ZFYVE9: variants seen among roughly 807,000 people sequenced by gnomAD.
The protein encoded by ZFYVE9 is zinc finger FYVE-type containing 9, also known as zinc finger FYVE domain-containing protein 9.
ZFYVE9 carries 43 observed loss-of-function variants against 126.7 expected under a neutral mutation model. That is an observed-to-expected ratio of 0.34 (90% CI 0.27 to 0.44). The LOEUF (loss-of-function observed/expected upper bound fraction) is 0.44, where lower values mean the gene tolerates loss of function less well. Among genes scored for constraint, ZFYVE9 ranks in the 20% least tolerant of loss-of-function variants. ZFYVE9 has a pLI of 1.00. For missense variants in ZFYVE9, 1,476 were observed against 1,697.0 expected (o/e 0.87, Z 2.29); for synonymous variants, 521 against 597.4 (o/e 0.87, Z 1.87).
chr1:52,238,633 A>G lies in ZFYVE9; in HGVS notation c.1216A>G (p.Lys406Glu). Residue 406 changes from lysine to glutamate, a missense_variant, in exon 4 of 19, where the codon AAA (lysine) becomes GAA (glutamate). By Grantham distance (56) the Lys-to-Glu change is moderately conservative (BLOSUM62 1). Around this residue, in one of 2 missense-constraint regions of ZFYVE9, gnomAD observed 807 missense variants for 794.6 expected, o/e 1.02. Coordinates refer to ENST00000287727, the MANE Select transcript of ZFYVE9 (RefSeq NM_004799.4). ...GGACATGACTAATTGGAAGTTGACTAAACTAAATGAGATGAATGATAGCCA... is the reference window on the plus strand; with the variant it reads ...GGACATGACTAATTGGAAGTTGACTGAACTAAATGAGATGAATGATAGCCA... ...SQDMTNWKLT[K>E]LNEMNDSQVN... is the part of the protein sequence containing the mutation. The G allele has an allele frequency of 1.2e-6, 2 of 1,614,084 alleles. No homozygotes were observed. Among genetic ancestry groups the G allele is most frequent in the Non-Finnish European group, 8.5e-7 (1 of 1,179,970 alleles).
At chr1:52,304,976 T>C (rs1646068944) in intron 13 of ZFYVE9, among the ~76,000 whole-genome samples, 1 of 152,228 alleles carries the variant, frequency 6.6e-6, no homozygotes, top group South Asian at 2.1e-4. Flanking sequence ...GATCTTGCTC[T>C]GTTGCCCAGG....
At chr1:52,324,287 A>C (rs1646270433) in intron 13 of ZFYVE9, among the ~76,000 whole-genome samples, 1 of 148,406 alleles carries the variant, frequency 6.7e-6, no homozygotes, top group South Asian at 2.1e-4. Flanking sequence ...ACAAAAACAA[A>C]AACAAAACAA....
Position 52,181,884 on chromosome 1 carries a change from C to G in ZFYVE9, c.-142-34485C>G, listed in dbSNP as rs61782512. 3.4e-3 allele frequency among the ~76,000 whole-genome samples: 515 copies of G among 151,834 alleles called. 1 individual carries two copies. Among genetic ancestry groups the G allele is most frequent in the African/African-American group, 0.012 (488 of 41,408 alleles). ...CTGAGAAGCGAGGAGCCCCTCCGCC[C>G]GGCAGCCACCCCGTCTGGGAAGTAA... On this transcript the variant is annotated intron_variant, in intron 1 of 18. Transcript: ENST00000287727.
In ZFYVE9 at chr1:52,172,080, C is replaced by G. The variant is rs564329224; in HGVS notation, c.-143+29677C>G. ...TTAGACATGAAGTCCTTGCCCATGC[C>G]TATGTCCTGAATGGTAATGCCTAGG... is the stretch of plus-strand genomic sequence containing the variant. On this transcript the variant is annotated intron_variant, in intron 1 of 18. Coordinates refer to ENST00000287727, the MANE Select transcript of ZFYVE9 (RefSeq NM_004799.4). 1.1e-3 allele frequency among the ~76,000 whole-genome samples: 161 copies of G among 152,202 alleles called. 7 individuals carry two copies. The East Asian group carries it at 0.027, about 25-fold the overall frequency.
At chr1:52,152,517 A>G (rs930583621) in intron 1 of ZFYVE9, among the ~76,000 whole-genome samples, 6 of 152,188 alleles carry the variant, frequency 3.9e-5, no homozygotes, top group African/African-American at 1.4e-4. Flanking sequence ...TATTCAGCCA[A>G]AAATCTAGCT....
chr1:52,237,747 T>C lies in ZFYVE9; in HGVS notation c.330T>C (p.Val110=), dbSNP rs1362610791. 1 of 1,614,148 alleles carries C rather than the reference T, an allele frequency of 6.2e-7. No individual in the cohort carries two copies. Among genetic ancestry groups the C allele is most frequent in the South Asian group, 1.1e-5 (1 of 91,078 alleles). ...CAATGTGGATTGATGAAAATGCTGT[T>C]GCAGAAGACCAGTTAATTAAGAGAA... ...IATMWIDENA[V]AEDQLIKRNY... is the part of the protein sequence containing the mutation. Residue 110 remains valine (V), a synonymous_variant, in exon 4 of 19, where the codon GTT becomes GTC. Coordinates refer to ENST00000287727, the MANE Select transcript of ZFYVE9 (RefSeq NM_004799.4).
intron 4 of ZFYVE9, among the ~76,000 whole-genome samples, chr1:52,260,894 G>A (rs954301951): frequency 2.0e-5 from 3 of 152,136 alleles, no homozygotes; most frequent in Non-Finnish European, 4.4e-5. Context: ...GCCTTTGCTT[G>A]GTCTGGCCTC....
chr1:52,315,318 C>G (rs1431354556), intron 13 of ZFYVE9, among the ~76,000 whole-genome samples: 1 of 152,064 alleles, frequency 6.6e-6, no homozygotes, highest in Non-Finnish European at 1.5e-5. Context: ...TTCCTAGCTA[C>G]TCTCTAGGCT....
intron 3 of ZFYVE9, among the ~76,000 whole-genome samples, chr1:52,234,713 G>A (rs1480759288): frequency 2.6e-5 from 4 of 152,126 alleles, no homozygotes; most frequent in Non-Finnish European, 5.9e-5. Flanking sequence ...TATATTCCTA[G>A]GCTCATTCCT....
chr1:52,299,992 C>G (rs1406117553), intron 12 of ZFYVE9, among the ~76,000 whole-genome samples: 1 of 152,192 alleles, frequency 6.6e-6, no homozygotes, highest in Non-Finnish European at 1.5e-5. Flanking sequence ...CATGGGTCCC[C>G]AGCTTACCCT....
chr1:52,151,786 G>A (rs913403646), intron 1 of ZFYVE9, among the ~76,000 whole-genome samples: 5 of 152,002 alleles, frequency 3.3e-5, no homozygotes, highest in Non-Finnish European at 7.4e-5. Context: ...CAAAGTGCTG[G>A]GATTAGAGAC....
At chr1:52,202,264 G>GGTATAGT (rs1345799684) in intron 1 of ZFYVE9, among the ~76,000 whole-genome samples, 2 of 151,508 alleles carry the variant, frequency 1.3e-5, no homozygotes, top group African/African-American at 4.9e-5. Context: ...CTCCTCCGTA[G>GGTATAGT]GTATAGTGTT....
intron 4 of ZFYVE9, among the ~76,000 whole-genome samples, chr1:52,260,200 G>A (rs543870370): frequency 1.3e-5 from 2 of 151,396 alleles, no homozygotes; most frequent in East Asian, 1.9e-4. Flanking sequence ...TATTATCAGT[G>A]TTTAAAAAAA....
intron 7 of ZFYVE9, among the ~76,000 whole-genome samples, chr1:52,272,281 AACAC>A (rs1322056667): frequency 1.3e-5 from 2 of 152,362 alleles, no homozygotes; most frequent in African/African-American, 4.8e-5. Flanking sequence ...TACACACACA[AACAC>A]ACACACATAA....
rs1347847682 is a variant in ZFYVE9 at position 52,340,061 on chromosome 1, T to G, written c.3834-65T>G. Reference sequence around the variant, plus strand: ...GCAGGAAGACTTCTGCAGCAAAACGTGATAGGAAAAATGGCTTTTCTAACT... The same window carrying G: ...GCAGGAAGACTTCTGCAGCAAAACGGGATAGGAAAAATGGCTTTTCTAACT... On this transcript the variant is annotated intron_variant, in intron 16 of 18. Coordinates refer to ENST00000287727, the MANE Select transcript of ZFYVE9 (RefSeq NM_004799.4). 1.6e-5 allele frequency: 22 copies of G among 1,347,626 alleles called. 1 individual carries two copies. The highest frequency in any genetic ancestry group is 2.1e-5 in the Non-Finnish European group (20 of 939,968). 83.5% of individuals were successfully genotyped at this position (1,347,626 alleles called of 1,614,324 possible).
chr1:52,287,626 AG>A (rs1017957213), intron 10 of ZFYVE9, among the ~76,000 whole-genome samples: 6 of 150,800 alleles, frequency 4.0e-5, no homozygotes, highest in Non-Finnish European at 7.4e-5. Context: ...TGGGAAGCTG[AG>A]GCAGGAGGAT....
rs200076680 is a variant in ZFYVE9, at chr1:52,238,897, A to T, written c.1480A>T (p.Thr494Ser). 1.3e-4 allele frequency: 212 copies of T among 1,613,918 alleles called. No homozygotes were observed. Among genetic ancestry groups the T allele is most frequent in the Non-Finnish European group, 3.6e-5 (43 of 1,179,972 alleles). The change falls in exon 4 of 19, where the codon ACT becomes TCT. Residue 494 changes from threonine to serine, a missense_variant. Physicochemically the swap from Thr to Ser is moderately conservative, Grantham distance 58. Transcript: ENST00000287727. ...CCCAGGTGTTTCTTTTGTTCCAAAGACTTTACCCTCCAAAGAAGATTCAGT... is the reference window on the plus strand; with the variant it reads ...CCCAGGTGTTTCTTTTGTTCCAAAGTCTTTACCCTCCAAAGAAGATTCAGT... ...QDPGVSFVPK[T>S]LPSKEDSVTE...
intron 4 of ZFYVE9, among the ~76,000 whole-genome samples, chr1:52,248,295 C>T (rs934663438): frequency 3.3e-5 from 5 of 152,232 alleles, no homozygotes; most frequent in African/African-American, 1.2e-4. Context: ...GTCTGATGTA[C>T]ATGGGCAGGA....
At chr1:52,205,316 C>G (rs145689071) in intron 1 of ZFYVE9, among the ~76,000 whole-genome samples, 31 of 152,078 alleles carry the variant, frequency 2.0e-4, no homozygotes, top group Non-Finnish European at 4.3e-4. Context: ...CTTAAGCTGT[C>G]TGACCACCTC....
Sources: gnomAD v4.1 joint callset for allele counts (sites outside exome capture counted in the v4.1 genomes callset) on GRCh38, gnomAD v4.1.1 for gene constraint, gnomAD v4.1.1 regional missense constraint, MANE v1.5 for transcripts, NCBI Gene and HGNC (gene_info 2026-07-23, HGNC 2026-07-21) for gene names.